Variants in LATS2 observed in about 807,000 individuals in gnomAD.
The protein encoded by LATS2 is large tumor suppressor kinase 2, also known as serine/threonine-protein kinase LATS2.
In LATS2, 24 loss-of-function variants were observed where a neutral mutation model predicts 76.0. The ratio of observed to expected loss-of-function variants is 0.32; its 90% CI spans 0.23 to 0.44. The LOEUF (loss-of-function observed/expected upper bound fraction) is 0.44, where lower values mean the gene tolerates loss of function less well. Ranked by LOEUF, LATS2 falls within the 20% of genes least tolerant of loss-of-function variation. The pLI is 1.00. For synonymous variants in LATS2, 692 were observed against 635.4 expected (o/e 1.09, Z -1.34); for missense variants, 1,286 against 1,481.2 (o/e 0.87, Z 2.16).
chr13:21,034,698 T>C (rs1244868887), intron 2 of LATS2, among the ~76,000 whole-genome samples: 2 of 152,058 alleles, frequency 1.3e-5, no homozygotes, highest in Non-Finnish European at 2.9e-5. Context: ...CTTGATTTAG[T>C]GCTTGTCTGC....
chr13:21,038,118 A>G (rs527686386), intron 2 of LATS2, among the ~76,000 whole-genome samples: 1 of 152,228 alleles, frequency 6.6e-6, no homozygotes, highest in South Asian at 2.1e-4. Flanking sequence ...AAACCGAAAC[A>G]AAACAAATCA....
At chr13:21,042,017 C>T (rs1049668739) in intron 2 of LATS2, among the ~76,000 whole-genome samples, 2 of 152,176 alleles carry the variant, frequency 1.3e-5, no homozygotes, top group Non-Finnish European at 2.9e-5. Context: ...TAAATGATCA[C>T]TTATGCCAAT....
intron 6 of LATS2, among the ~76,000 whole-genome samples, chr13:20,980,116 C>G (rs1042976918): frequency 6.6e-6 from 1 of 152,130 alleles, no homozygotes; most frequent in Admixed American, 6.5e-5. Flanking sequence ...CAAACAGAGG[C>G]ACCAATTAAA....
chr13:21,010,475 T>C (rs1369936587), intron 2 of LATS2, among the ~76,000 whole-genome samples: 2 of 151,836 alleles, frequency 1.3e-5, no homozygotes, highest in Non-Finnish European at 2.9e-5. Flanking sequence ...CTCCCAAACA[T>C]GAAGAGCCAA....
rs371136597 is a variant in LATS2, at chr13:20,978,688, T to G, written c.2772+1003A>C. Among the ~76,000 whole-genome samples the G allele has an allele frequency of 6.6e-5, 10 of 152,262 alleles. No individual in the cohort carries two copies. The East Asian group carries it at 1.2e-3, about 18-fold the overall frequency. On this transcript the variant is annotated intron_variant, in intron 7 of 7. Coordinates refer to ENST00000382592, the MANE Select transcript of LATS2 (RefSeq NM_014572.3). ...CTCCCCTTCCTCAGCCCACTCCACATGAAGATGACAAAGATGGAGACCTTT... is the reference window on the plus strand; with the variant it reads ...CTCCCCTTCCTCAGCCCACTCCACAGGAAGATGACAAAGATGGAGACCTTT...
At chr13:21,028,119 C>T (rs1374369788) in intron 2 of LATS2, among the ~76,000 whole-genome samples, 1 of 152,070 alleles carries the variant, frequency 6.6e-6, no homozygotes, top group Non-Finnish European at 1.5e-5. Flanking sequence ...GTGATGTTCT[C>T]CTTCCTGTGT....
At position 20,988,969 on chromosome 13, in the gene LATS2, G is replaced by C; in HGVS notation, c.811C>G (p.Arg271Gly). ...GTCTTGCTCTGGAAGGAGGGGCTGC[G>C]CTGCACTCCGTAGCCCAGGGGTTCC... ...PGEPLGYGVQ[R>G]SPSFQSKTPP... Residue 271 changes from arginine (R) to glycine (G), a missense_variant, in exon 4 of 8, where the codon CGC becomes GGC. By Grantham distance (125) the Arg-to-Gly change is moderately radical. Coordinates refer to ENST00000382592, the MANE Select transcript of LATS2 (RefSeq NM_014572.3). The C allele has an allele frequency of 6.5e-7, 1 of 1,539,762 alleles. No homozygotes were observed.
chr13:21,019,003 G>A (rs1595238274), intron 2 of LATS2, among the ~76,000 whole-genome samples: 2 of 152,046 alleles, frequency 1.3e-5, no homozygotes, highest in South Asian at 4.2e-4. Context: ...ACTCTCTCAC[G>A]CCCCTGTCCT....
chr13:20,973,850 C>T lies in LATS2; in HGVS notation c.*1020G>A. On this transcript the variant is annotated 3_prime_UTR_variant, in exon 8 of 8. Coordinates refer to ENST00000382592, the MANE Select transcript of LATS2 (RefSeq NM_014572.3). ...TATGGCATTCCACATACCAGCTCTA[C>T]CAAGAATGAAAGAGCATACGGACTA... 4.4e-6 allele frequency: 1 copy of T among 229,322 alleles called. No homozygotes were observed. The highest frequency in any genetic ancestry group is 8.6e-6 in the Non-Finnish European group (1 of 115,736). 14.2% of individuals were successfully genotyped at this position (229,322 alleles called of 1,614,324 possible).
At chr13:20,990,914 T>C (rs1870480477) in intron 3 of LATS2, among the ~76,000 whole-genome samples, 1 of 152,192 alleles carries the variant, frequency 6.6e-6, no homozygotes. Flanking sequence ...CAAAGATCCC[T>C]CCACAGGCCC....
At chr13:21,030,613 A>AAAAAAAAAAAAAAAAAAAAAAG (rs1565960105) in intron 2 of LATS2, among the ~76,000 whole-genome samples, 1 of 19,518 alleles carries the variant, frequency 5.1e-5, no homozygotes, top group African/African-American at 9.5e-5. Flanking sequence ...AAAAAAAAAG[A>AAAAAAAAAAAAAAAAAAAAAAG]AAAAAAAAAA....
intron 1 of LATS2, among the ~76,000 whole-genome samples, chr13:21,055,171 A>G (rs2138418151): frequency 6.6e-6 from 1 of 152,324 alleles, no homozygotes; most frequent in South Asian, 2.1e-4. Context: ...TTTTCATGAG[A>G]ATACTCATCA....
chr13:21,040,293 G>A lies in LATS2; in HGVS notation c.342+5392C>T, dbSNP rs186786672. Among the ~76,000 whole-genome samples the A allele has an allele frequency of 1.4e-4, 21 of 151,676 alleles. No homozygotes were observed. In the East Asian group the frequency reaches 1.9e-3, roughly 14 times the overall value. ...TCTCAGTTACTTTGGAGGTTGAGGC[G>A]GAGAATTGCTTGAGCCCAGGTCAAG... On this transcript the variant is annotated intron_variant, in intron 2 of 7. Transcript: ENST00000382592.
chr13:21,051,370 G>C (rs1249311059), intron 1 of LATS2, among the ~76,000 whole-genome samples: 1 of 152,202 alleles, frequency 6.6e-6, no homozygotes, highest in Non-Finnish European at 1.5e-5. Context: ...ACACTATAGG[G>C]TATGTGTCAC....
At chr13:21,002,703 A>AT (rs1871104611) in intron 2 of LATS2, among the ~76,000 whole-genome samples, 1 of 151,490 alleles carries the variant, frequency 6.6e-6, no homozygotes, top group Non-Finnish European at 1.5e-5. Context: ...TTTATAATTT[A>AT]TTTTTTAGAG....
At chr13:20,980,740 A>G (rs1403941660) in intron 6 of LATS2, among the ~76,000 whole-genome samples, 2 of 152,156 alleles carry the variant, frequency 1.3e-5, no homozygotes, top group Non-Finnish European at 2.9e-5. Flanking sequence ...CTTGTGCTGG[A>G]TTACCACAGC....
intron 2 of LATS2, among the ~76,000 whole-genome samples, chr13:21,000,441 T>TAAACCAA (rs1386349163): frequency 2.0e-5 from 3 of 152,128 alleles, no homozygotes; most frequent in African/African-American, 7.2e-5. Flanking sequence ...TGGTCATGTA[T>TAAACCAA]AAACCAAAAA....
intron 2 of LATS2, among the ~76,000 whole-genome samples, chr13:21,007,883 C>T (rs1871422621): frequency 6.9e-6 from 1 of 143,984 alleles, no homozygotes; most frequent in Admixed American, 7.1e-5. Context: ...CCTCAGCCTC[C>T]TGAGTAGCTG....
intron 2 of LATS2, among the ~76,000 whole-genome samples, chr13:21,027,799 A>C (rs1013966862): frequency 2.6e-5 from 4 of 152,170 alleles, no homozygotes; most frequent in African/African-American, 7.2e-5. Context: ...AAAAAAAATA[A>C]ATAAACCTGC....
Sources: allele counts gnomAD v4.1 joint callset (sites outside exome capture counted in the v4.1 genomes callset), GRCh38; gene constraint gnomAD v4.1.1; transcripts MANE v1.5; gene names NCBI Gene and HGNC (gene_info 2026-07-23, HGNC 2026-07-21).